The following AUTS2 variants were observed in gnomAD, a reference collection of about 807,000 sequenced individuals.
AUTS2 encodes activator of transcription and developmental regulator AUTS2, also known as autism susceptibility gene 2 protein.
In AUTS2, 17 loss-of-function variants were observed where a neutral mutation model predicts 112.4. That is an observed-to-expected ratio of 0.15 (90% CI 0.10 to 0.23). AUTS2 has a LOEUF of 0.23. AUTS2 is among the 10% of genes least tolerant of loss of function. The pLI, the probability that AUTS2 is intolerant of heterozygous loss-of-function variation, is 1.00. For synonymous variants in AUTS2, 751 were observed against 702.7 expected, an observed-to-expected ratio of 1.07 and a Z score of -1.09; for missense variants, 1,510 against 1,701.6, an observed-to-expected ratio of 0.89 and a Z score of 1.98.
intron 5 of AUTS2, among the ~76,000 whole-genome samples, chr7:70,540,783 G>A (rs1214010621): frequency 2.0e-5 from 3 of 152,150 alleles, no homozygotes; most frequent in African/African-American, 7.2e-5. Flanking sequence ...CCTTGAGAAG[G>A]GTAAAGCACA....
chr7:70,590,384 C>T (rs979620353), intron 5 of AUTS2, among the ~76,000 whole-genome samples: 1 of 152,090 alleles, frequency 6.6e-6, no homozygotes, highest in African/African-American at 2.4e-5. Flanking sequence ...ATCTTTCTGA[C>T]TCAAACTGCC....
chr7:69,935,262 G>T (rs1796366902), intron 2 of AUTS2, among the ~76,000 whole-genome samples: 1 of 152,140 alleles, frequency 6.6e-6, no homozygotes, highest in South Asian at 2.1e-4. Context: ...TGCTTAGGAG[G>T]TGTAGATATA....
intron 2 of AUTS2, among the ~76,000 whole-genome samples, chr7:69,941,246 C>T (rs1028109392): frequency 1.1e-4 from 17 of 152,182 alleles, no homozygotes; most frequent in African/African-American, 3.9e-4. Flanking sequence ...GATGATCTGA[C>T]AGCGTCAGCA....
chr7:70,136,702 T>A (rs558666506), intron 4 of AUTS2, among the ~76,000 whole-genome samples: 8 of 152,246 alleles, frequency 5.3e-5, no homozygotes, highest in Non-Finnish European at 1.2e-4. Context: ...CTCTTCAGCA[T>A]GTCTTTGAAA....
At chr7:70,304,635 G>A (rs928975574) in intron 4 of AUTS2, among the ~76,000 whole-genome samples, 1 of 152,082 alleles carries the variant, frequency 6.6e-6, no homozygotes, top group African/African-American at 2.4e-5. Flanking sequence ...TGTGAGAGCA[G>A]GGCTGGTTCC....
chr7:70,628,078 T>C (rs1446334923), intron 5 of AUTS2, among the ~76,000 whole-genome samples: 1 of 152,164 alleles, frequency 6.6e-6, no homozygotes, highest in Non-Finnish European at 1.5e-5. Context: ...AGTAGAAATT[T>C]CTATAAATAG....
chr7:69,623,464 T>C (rs1372655872), intron 1 of AUTS2, among the ~76,000 whole-genome samples: 5 of 139,192 alleles, frequency 3.6e-5, no homozygotes, highest in African/African-American at 5.4e-5. Flanking sequence ...ACTCCTGGGC[T>C]CAAGGAATCT....
chr7:70,362,802 A>G (rs1004430297), intron 4 of AUTS2, among the ~76,000 whole-genome samples: 9 of 152,150 alleles, frequency 5.9e-5, no homozygotes, highest in African/African-American at 2.2e-4. Flanking sequence ...CATTTTTTCA[A>G]CAGATACTTA....
In AUTS2 at chr7:70,791,216, C is replaced by T; in HGVS notation, c.*220C>T. 2.3e-6 allele frequency: 1 copy of T among 428,034 alleles called. No homozygotes were observed. Among genetic ancestry groups the T allele is most frequent in the Non-Finnish European group, 3.9e-6 (1 of 258,846 alleles). 26.5% of individuals were successfully genotyped at this position (428,034 alleles called of 1,614,324 possible). On this transcript the variant is annotated 3_prime_UTR_variant, in exon 19 of 19. Coordinates refer to ENST00000342771, the MANE Select transcript of AUTS2 (RefSeq NM_015570.4). Reference sequence around the variant, plus strand: ...TTAGCCCAGTCATATGTTCTCACGTCTCCTACTTTTTGTTTCTCGTATAAA... The same window carrying T: ...TTAGCCCAGTCATATGTTCTCACGTTTCCTACTTTTTGTTTCTCGTATAAA...
intron 1 of AUTS2, among the ~76,000 whole-genome samples, chr7:69,740,310 A>C (rs1437696683): frequency 6.6e-6 from 1 of 152,174 alleles, no homozygotes; most frequent in East Asian, 1.9e-4. Flanking sequence ...GCTGATGTGC[A>C]AGAATTTTTC....
At chr7:70,161,978 GA>G (rs1360685917) in intron 4 of AUTS2, among the ~76,000 whole-genome samples, 2 of 152,124 alleles carry the variant, frequency 1.3e-5, no homozygotes, top group Non-Finnish European at 2.9e-5. Context: ...GGATTACTAG[GA>G]GAATGATTAT....
At chr7:70,193,179 C>G (rs1015408284) in intron 4 of AUTS2, among the ~76,000 whole-genome samples, 1 of 152,196 alleles carries the variant, frequency 6.6e-6, no homozygotes, top group Non-Finnish European at 1.5e-5. Flanking sequence ...TCCTTGAACT[C>G]TGATGGCAAC....
At chr7:69,636,179 A>G (rs1794508282) in intron 1 of AUTS2, among the ~76,000 whole-genome samples, 1 of 152,268 alleles carries the variant, frequency 6.6e-6, no homozygotes, top group South Asian at 2.1e-4. Flanking sequence ...ACATAGGTTT[A>G]TTGTAGAAAA....
intron 4 of AUTS2, among the ~76,000 whole-genome samples, chr7:70,343,847 A>G (rs1177040269): frequency 6.6e-6 from 1 of 152,124 alleles, no homozygotes; most frequent in Non-Finnish European, 1.5e-5. Context: ...AATTGCTGTT[A>G]GGAAAGGAAT....
chr7:69,680,280 A>G lies in AUTS2; in HGVS notation c.309+80318A>G, dbSNP rs559422632. On this transcript the variant is annotated intron_variant, in intron 1 of 18. Transcript: ENST00000342771. ...GGATTGTCAGAATTGGCTTTTGAGC[A>G]TTTTGTTTAGCAGTTATAATCCAGG... Among the ~76,000 whole-genome samples, 5 of 152,340 alleles carry G rather than the reference A, an allele frequency of 3.3e-5. No individual in the cohort carries two copies. In the South Asian group the frequency reaches 8.3e-4, roughly 25 times the overall value.
chr7:69,868,595 A>C (rs1793342851), intron 1 of AUTS2, among the ~76,000 whole-genome samples: 1 of 152,236 alleles, frequency 6.6e-6, no homozygotes, highest in Non-Finnish European at 1.5e-5. Context: ...CCAAAGCTTA[A>C]TAAAATGATT....
At chr7:70,392,342 A>G (rs1025029644) in intron 4 of AUTS2, among the ~76,000 whole-genome samples, 4 of 152,162 alleles carry the variant, frequency 2.6e-5, no homozygotes, top group East Asian at 1.9e-4. Context: ...GCATGTGTGC[A>G]TGTGTTGTGC....
At chr7:69,717,028 T>C (rs1177783203) in intron 1 of AUTS2, among the ~76,000 whole-genome samples, 3 of 152,156 alleles carry the variant, frequency 2.0e-5, no homozygotes, top group Non-Finnish European at 4.4e-5. Context: ...CCTGTCCTTT[T>C]GGGTTTTTAT....
intron 5 of AUTS2, among the ~76,000 whole-genome samples, chr7:70,574,818 T>C: frequency 6.6e-6 from 1 of 152,144 alleles, no homozygotes. Flanking sequence ...CTGGATTCCC[T>C]TCTCCCCGAC....
Sources: gnomAD v4.1 joint callset for allele counts (sites outside exome capture counted in the v4.1 genomes callset) on GRCh38, gnomAD v4.1.1 for gene constraint, MANE v1.5 for transcripts, NCBI Gene and HGNC (gene_info 2026-07-23, HGNC 2026-07-21) for gene names.